The following ELMO3 variants were observed in gnomAD, a reference collection of about 807,000 sequenced individuals.
ELMO3 encodes the protein engulfment and cell motility protein 3.
Under a neutral mutation model 89.0 loss-of-function variants are expected in ELMO3, and 81 were observed. The observed-to-expected ratio is 0.91, with a 90% CI of 0.76 to 1.09. The LOEUF (loss-of-function observed/expected upper bound fraction) is 1.09. ELMO3 is among the 50% of genes least tolerant of loss of function. The pLI, the probability that ELMO3 is intolerant of heterozygous loss-of-function variation, is 0.00. For synonymous variants in ELMO3, 406 were observed against 400.6 expected (o/e 1.01, Z -0.16); for missense variants, 959 against 972.8 (o/e 0.99, Z 0.19).
rs375082185 is a variant in ELMO3 at position 67,199,544 on chromosome 16, C to T, written c.79-9C>T. 4 of 1,605,526 alleles carry T rather than the reference C, an allele frequency of 2.5e-6. No homozygotes were observed. The highest frequency in any genetic ancestry group is 1.1e-5 in the South Asian group (1 of 90,578). The stretch of plus-strand genomic sequence containing the variant: ...GCCCAGGCCGCGAGAATGACCACTC[C>T]ACTTGCAGGCGAAGCCCCTGGCCGC... On this transcript the variant is annotated splice_polypyrimidine_tract_variant and intron_variant, in intron 1 of 19. Transcript: ENST00000393997.
Position 67,203,278 on chromosome 16 carries a change from C to A in ELMO3, c.1781-49C>A. On this transcript the variant is annotated intron_variant, in intron 17 of 19. Transcript: ENST00000393997. This position sits in a 1 kb window ranked among gnomAD's most constrained non-coding sequence, Gnocchi z 4.6. ...CCTGCTCTCCCCAGACCGCCCTGGGCCCCGGGGCTGCCAGGGCTGCAGTGC... is the reference window on the plus strand; with the variant it reads ...CCTGCTCTCCCCAGACCGCCCTGGGACCCGGGGCTGCCAGGGCTGCAGTGC... 1.3e-6 allele frequency: 2 copies of A among 1,587,842 alleles called. No homozygotes were observed. The highest frequency in any genetic ancestry group is 1.7e-6 in the Non-Finnish European group (2 of 1,170,992).
Position 67,199,889 on chromosome 16 carries a change from C to G in ELMO3, c.193-62C>G. 23 of 1,612,164 alleles carry G rather than the reference C, an allele frequency of 1.4e-5. No individual in the cohort carries two copies. In the South Asian group the frequency reaches 2.4e-4, roughly 17 times the overall value. ...CACCCCCAGCCGCCCTCACCGACAC[C>G]CCAGTTGATCAGTCCTCGGAGCCCT... On this transcript the variant is annotated intron_variant, in intron 3 of 19. Transcript: ENST00000393997.
Position 67,199,148 on chromosome 16 carries a change from C to T in ELMO3, c.-179C>T, listed in dbSNP as rs1159860497. The T allele has an allele frequency of 5.6e-6, 9 of 1,604,776 alleles. No individual in the cohort carries two copies. Among genetic ancestry groups the T allele is most frequent in the Admixed American group, 1.7e-5 (1 of 59,902 alleles). The stretch of plus-strand genomic sequence containing the variant: ...TCCAACCCGGAACTAACCTCGGCTC[C>T]CTTGGGAAGGCCGCGTTGCATGGCC... On this transcript the variant is annotated 5_prime_UTR_variant, in exon 1 of 20. Transcript: ENST00000393997.
rs758845552 is a variant in ELMO3 at position 67,203,425 on chromosome 16, CA to C, written c.1863+17del. On this transcript the variant is annotated intron_variant, in intron 18 of 19. Transcript: ENST00000393997. The surrounding 1 kb of genome is among the most constrained non-coding windows in gnomAD (Gnocchi z 4.6). The stretch of plus-strand genomic sequence containing the variant: ...GCAGAACAAGGTGAGTACAGCGGGC[CA>C]GGGGCTCCTTCCCACCCGCCCCCGC... The C allele has an allele frequency of 1.2e-6, 2 of 1,612,958 alleles. No homozygotes were observed. Among genetic ancestry groups the C allele is most frequent in the African/African-American group, 2.7e-5 (2 of 75,020 alleles).
intron 8 of ELMO3, 29 bp from the exon 9 acceptor site, chr16:67,201,356 C>G (rs764311759): frequency 1.6e-5 from 26 of 1,613,442 alleles, no homozygotes; most frequent in Non-Finnish European, 2.1e-5. Flanking sequence ...CGCGCCCAGC[C>G]TAAGCCCCCT....
rs1401113136 is a variant in ELMO3 at position 67,202,991 on chromosome 16, C to T, written c.1662C>T (p.Ser554=). 6.2e-7 allele frequency: 1 copy of T among 1,605,936 alleles called. No individual in the cohort carries two copies. Among genetic ancestry groups the T allele is most frequent in the South Asian group, 1.1e-5 (1 of 91,072 alleles). The change falls in exon 16 of 20, where the codon AGC becomes AGT. Residue 554 remains serine, a synonymous_variant. Coordinates refer to ENST00000393997, the MANE Select transcript of ELMO3 (RefSeq NM_024712.5). ...GGACGCTCTTCCGCAAGATCAGCAG[C>T]CGGCGGCGCCAGGGTCTCTGAATGG... ...CEGTLFRKIS[S]RRRQDKLWFC... is the part of the protein sequence containing the mutation.
At chr16:67,199,904 C>G (rs892825471) in intron 3 of ELMO3, 47 bp from the exon 4 acceptor site, 1 of 1,613,624 alleles carries the variant, frequency 6.2e-7, no homozygotes, top group Non-Finnish European at 8.5e-7. Context: ...TTGATCAGTC[C>G]TCGGAGCCCT....
rs1438345954 is a variant in ELMO3 at position 67,203,748 on chromosome 16, G to A, written c.2034G>A (p.Leu678=). The part of the protein sequence containing the change: ...SEQTRLDLEQ[L]LTMETKLRLL... ...AGACACGGCTGGACCTGGAGCAGCT[G>A]CTGACCATGGAGACCAAGCTGCGTC... Residue 678 remains leucine, a synonymous_variant, in exon 20 of 20, where the codon CTG becomes CTA. Coordinates refer to ENST00000393997, the MANE Select transcript of ELMO3 (RefSeq NM_024712.5). This position sits in a 1 kb window ranked among gnomAD's most constrained non-coding sequence, Gnocchi z 4.6. 1 of 1,613,398 alleles carries A rather than the reference G, an allele frequency of 6.2e-7. No homozygotes were observed. Among genetic ancestry groups the A allele is most frequent in the South Asian group, 1.1e-5 (1 of 91,090 alleles).
In ELMO3 at chr16:67,203,411, T is replaced by C. The variant is rs1457728911; in HGVS notation, c.1863+2T>C. On this transcript the variant is annotated splice_donor_variant, in intron 18 of 19. Coordinates refer to ENST00000393997, the MANE Select transcript of ELMO3 (RefSeq NM_024712.5). LOFTEE classifies it high-confidence loss of function. This position sits in a 1 kb window ranked among gnomAD's most constrained non-coding sequence, Gnocchi z 4.6. ...AAGGGCTCCGGGAAGCAGAACAAGGTGAGTACAGCGGGCCAGGGGCTCCTT... is the reference window on the plus strand; with the variant it reads ...AAGGGCTCCGGGAAGCAGAACAAGGCGAGTACAGCGGGCCAGGGGCTCCTT... 2.5e-6 allele frequency: 4 copies of C among 1,612,394 alleles called. No individual in the cohort carries two copies. Among genetic ancestry groups the C allele is most frequent in the Non-Finnish European group, 3.4e-6 (4 of 1,179,584 alleles).
Position 67,203,978 on chromosome 16 carries a change from G to T in ELMO3, c.*101G>T, listed in dbSNP as rs1440262219. The T allele has an allele frequency of 6.4e-6, 7 of 1,092,202 alleles. No individual in the cohort carries two copies. In the African/African-American group the frequency reaches 9.5e-5, roughly 15 times the overall value. 67.7% of individuals were successfully genotyped at this position (1,092,202 alleles called of 1,614,324 possible). On this transcript the variant is annotated 3_prime_UTR_variant, in exon 20 of 20. Coordinates refer to ENST00000393997, the MANE Select transcript of ELMO3 (RefSeq NM_024712.5). The surrounding 1 kb of genome is among the most constrained non-coding windows in gnomAD (Gnocchi z 4.6). ...ACCCTGACCAGCAGAGATTGCTGCAGAAATAAAGTCTGCTTGGCTCTTGGG... is the reference window on the plus strand; with the variant it reads ...ACCCTGACCAGCAGAGATTGCTGCATAAATAAAGTCTGCTTGGCTCTTGGG...
In ELMO3 at chr16:67,200,873, C is replaced by A. The variant is rs749007337; in HGVS notation, c.666-17C>A. 1.9e-6 allele frequency: 3 copies of A among 1,613,746 alleles called. No homozygotes were observed. The South Asian group carries it at 3.3e-5, about 18-fold the overall frequency. On this transcript the variant is annotated splice_polypyrimidine_tract_variant and intron_variant, in intron 7 of 19. Coordinates refer to ENST00000393997, the MANE Select transcript of ELMO3 (RefSeq NM_024712.5). The stretch of plus-strand genomic sequence containing the variant: ...GCTGGAGCCTGAATGTTCCACTGAG[C>A]CCTCTTCTTGCCATAGGATGAACCA...
At position 67,203,471 on chromosome 16, in the gene ELMO3, G is replaced by A. The variant is rs562616806; in HGVS notation, c.1864-26G>A. ...CCCCGCCTACCCTGTCCCCTGCTCAGTGTCCCCGCTCCCTTGCTTCCCCAG... is the reference window on the plus strand; with the variant it reads ...CCCCGCCTACCCTGTCCCCTGCTCAATGTCCCCGCTCCCTTGCTTCCCCAG... On this transcript the variant is annotated intron_variant, in intron 18 of 19. Coordinates refer to ENST00000393997, the MANE Select transcript of ELMO3 (RefSeq NM_024712.5). This position sits in a 1 kb window ranked among gnomAD's most constrained non-coding sequence, Gnocchi z 4.6. 6.3e-7 allele frequency: 1 copy of A among 1,596,688 alleles called. No homozygotes were observed. The highest frequency in any genetic ancestry group is 1.7e-5 in the Admixed American group (1 of 59,638).
Position 67,202,690 on chromosome 16 carries a change from C to T in ELMO3, c.1462C>T (p.Leu488Phe), listed in dbSNP as rs919968230. 6.2e-7 allele frequency: 1 copy of T among 1,613,656 alleles called. No homozygotes were observed. The highest frequency in any genetic ancestry group is 1.3e-5 in the African/African-American group (1 of 75,022). The stretch of plus-strand genomic sequence containing the variant: ...GGCCCTGAAGCCCACTTCCCTGGAG[C>T]TCTTCCGAACCAAGGTGAATGCGCT... ...TLALKPTSLE[L>F]FRTKVNALTY... Residue 488 changes from leucine to phenylalanine, a missense_variant, in exon 15 of 20, where the codon CTC (leucine) becomes TTC (phenylalanine). Coordinates refer to ENST00000393997, the MANE Select transcript of ELMO3 (RefSeq NM_024712.5).
At position 67,200,474 on chromosome 16, in the gene ELMO3, G is replaced by C. The variant is rs990020119; in HGVS notation, c.437G>C (p.Ser146Thr). The C allele has an allele frequency of 6.2e-7, 1 of 1,613,360 alleles. No individual in the cohort carries two copies. Among genetic ancestry groups the C allele is most frequent in the Admixed American group, 1.7e-5 (1 of 60,004 alleles). The change falls in exon 6 of 20, where the codon AGC becomes ACC. Residue 146 changes from serine to threonine, a missense_variant. Coordinates refer to ENST00000393997, the MANE Select transcript of ELMO3 (RefSeq NM_024712.5). Reference protein sequence around the residue: ...GDDLGEVLALSLRAFSELMEH... With the variant: ...GDDLGEVLALTLRAFSELMEH... ...AGCCTAGGAGAGGTGCTGGCCCTCA[G>C]CCTGAGGGCCTTCTCAGAGCTCATG...
chr16:67,200,109 T>G (rs867432068), intron 4 of ELMO3, 83 bp from the exon 5 acceptor site: 2 of 1,575,958 alleles, frequency 1.3e-6, no homozygotes, highest in African/African-American at 2.7e-5. Flanking sequence ...GCCACCTAGT[T>G]GACGCCCGGG....
In ELMO3 at chr16:67,201,636, C is replaced by A; in HGVS notation, c.912C>A (p.Tyr304Ter). The A allele has an allele frequency of 6.2e-7, 1 of 1,612,460 alleles. No individual in the cohort carries two copies. The highest frequency in any genetic ancestry group is 8.5e-7 in the Non-Finnish European group (1 of 1,179,922). The change falls in exon 10 of 20, where the codon TAC becomes TAA. Residue 304 changes from tyrosine to a stop codon, truncating the protein, a stop_gained. Coordinates refer to ENST00000393997, the MANE Select transcript of ELMO3 (RefSeq NM_024712.5). LOFTEE classifies it high-confidence loss of function. ...EPRMRTPLDPYSQEQREQLQV... is the reference protein window; with the variant it reads ...EPRMRTPLDP ...GCATGCGGACGCCCCTGGACCCCTA[C>A]AGCCAGGTGTGTGTCTTTGGTGAGG... is the stretch of plus-strand genomic sequence containing the variant.
intron 5 of ELMO3, 36 bp from the exon 6 acceptor site, chr16:67,200,415 G>GGTGGTCCTGGA (rs1366261336): frequency 2.5e-6 from 4 of 1,608,106 alleles, no homozygotes; most frequent in Non-Finnish European, 3.4e-6. Flanking sequence ...CTGGTCCTGG[G>GGTGGTCCTGGA]GTGGTCCTGC....
rs8058861 is a variant in ELMO3, at chr16:67,200,231, A to G, written c.283A>G (p.Asn95Asp). 0.092 allele frequency: 148,937 copies of G among 1,613,396 alleles called. 12,708 individuals are homozygous for G. The highest frequency in any genetic ancestry group is 0.44 in the African/African-American group (33,174 of 74,978). Residue 95 changes from asparagine (N) to aspartate (D), a missense_variant, in exon 5 of 20, where the codon AAC (asparagine) becomes GAC (aspartate). By Grantham distance (23) the Asn-to-Asp change is conservative (BLOSUM62 1). Transcript: ENST00000393997. ...AEQLLGGLQS[N>D]SPEGRREALR... ...GCAGCTCTTGGGTGGGCTGCAGAGT[A>G]ACAGTCCTGAAGGGCGCCGGGAAGC...
intron 1 of ELMO3, 72 bp downstream of exon 1, chr16:67,199,476 G>GGGCCCCCCCCCCCCCCCCCCCCC: frequency 4.7e-6 from 7 of 1,503,582 alleles, no homozygotes; most frequent in African/African-American, 1.4e-5. Context: ...CCTCGGGGCA[G>GGGCCCCCCCCCCCCCCCCCCCCC]CCCGCCCCAC....
Sources: allele counts gnomAD v4.1 joint callset, GRCh38; gene constraint gnomAD v4.1.1; non-coding constraint Gnocchi (gnomAD v3.1); transcripts MANE v1.5; gene names NCBI Gene and HGNC (gene_info 2026-07-23, HGNC 2026-07-21).